LRCH2: variants seen among roughly 807,000 people sequenced by gnomAD.
LRCH2 encodes leucine-rich repeat and calponin homology domain-containing protein 2.
Under a neutral mutation model 68.9 loss-of-function variants are expected in LRCH2, and 38 were observed. That is an observed-to-expected ratio of 0.55 (90% CI 0.43 to 0.72). The LOEUF is 0.72. LRCH2 is among the 30% of genes least tolerant of loss of function. The pLI is 0.00. For synonymous variants in LRCH2, 191 were observed against 208.1 expected (o/e 0.92, Z 0.71); for missense variants, 528 against 572.9 (o/e 0.92, Z 0.80).
intron 1 of LRCH2, among the ~76,000 whole-genome samples, chrX:115,221,971 C>T (rs1336668122): frequency 1.8e-5 from 2 of 109,144 alleles, no homozygotes; most frequent in Middle Eastern, 4.3e-3. Context: ...CCTGAGGCAT[C>T]GAACAGCATG....
At chrX:115,195,487 G>A (rs1291025922) in intron 1 of LRCH2, among the ~76,000 whole-genome samples, 1 of 108,690 alleles carries the variant, frequency 9.2e-6, no homozygotes, top group Non-Finnish European at 1.9e-5. Context: ...AACCAAAGAA[G>A]TTCAAAAAGT....
chrX:115,150,179 C>T, intron 12 of LRCH2, 109 bp from the exon 13 acceptor site: 2 of 615,086 alleles, frequency 3.3e-6, no homozygotes, highest in East Asian at 7.6e-5. Context: ...AAGAATTTAC[C>T]CATGTCTACA....
At chrX:115,141,613 G>C (rs1427493088) in intron 14 of LRCH2, among the ~76,000 whole-genome samples, 5 of 110,403 alleles carry the variant, frequency 4.5e-5, no homozygotes, top group African/African-American at 1.7e-4. Flanking sequence ...CTTTAGCTTA[G>C]CAATGTTGGG....
intron 1 of LRCH2, among the ~76,000 whole-genome samples, chrX:115,188,746 G>A (rs1452129012): frequency 2.7e-5 from 3 of 111,110 alleles, no homozygotes; most frequent in Non-Finnish European, 3.8e-5. Flanking sequence ...CAGGAGAATC[G>A]CTTGAACCCA....
intron 14 of LRCH2, among the ~76,000 whole-genome samples, chrX:115,144,067 TC>T: frequency 9.0e-6 from 1 of 111,261 alleles, no homozygotes; most frequent in Middle Eastern, 4.7e-3. Flanking sequence ...GGCAGGTTTT[TC>T]CCGTGTTGTT....
intron 17 of LRCH2, 134 bp downstream of exon 17, chrX:115,123,811 C>T (rs1208745221): frequency 3.7e-5 from 13 of 350,448 alleles, no homozygotes; most frequent in Non-Finnish European, 9.8e-6. Flanking sequence ...AGACAAATAT[C>T]GTTAAGAGAA....
intron 14 of LRCH2, among the ~76,000 whole-genome samples, chrX:115,145,945 C>A (rs2072378968): frequency 8.9e-6 from 1 of 111,967 alleles, no homozygotes; most frequent in Non-Finnish European, 1.9e-5. Context: ...GGGTATATAA[C>A]CCAAAGAAAG....
intron 20 of LRCH2, among the ~76,000 whole-genome samples, chrX:115,118,832 G>T (rs1285712579): frequency 1.8e-5 from 2 of 110,287 alleles, no homozygotes; most frequent in Non-Finnish European, 3.8e-5. Context: ...GATCAAGTGG[G>T]CTTCATCCCT....
Position 115,204,683 on chromosome X carries a change from G to A in LRCH2, c.350-16313C>T, listed in dbSNP as rs782479563. On this transcript the variant is annotated intron_variant, in intron 1 of 20. Transcript: ENST00000317135. ...CCATCAGTCTCCTTGCTAAAGCATA[G>A]CAAGAGTGACCTTTACTTCAGTTCC... Among the ~76,000 whole-genome samples, 6 of 111,794 alleles carry A rather than the reference G, an allele frequency of 5.4e-5. No individual in the cohort carries two copies. In the East Asian group the frequency reaches 1.7e-3, roughly 32 times the overall value.
rs73636268 is a variant in LRCH2, at chrX:115,176,156, A to G, written c.864+3271T>C. ...TAAAATAGAAAAAATAGTTTGGTTTATTTTTCTATCTCTTACAGATGTATA... is the reference window on the plus strand; with the variant it reads ...TAAAATAGAAAAAATAGTTTGGTTTGTTTTTCTATCTCTTACAGATGTATA... On this transcript the variant is annotated intron_variant, in intron 5 of 20. Transcript: ENST00000317135. Among the ~76,000 whole-genome samples, 819 of 112,073 alleles carry G rather than the reference A, an allele frequency of 7.3e-3. 9 individuals are homozygous for G. Among genetic ancestry groups the G allele is most frequent in the African/African-American group, 0.025 (768 of 30,834 alleles).
At chrX:115,162,884 A>T (rs1394637659) in intron 11 of LRCH2, among the ~76,000 whole-genome samples, 1 of 111,943 alleles carries the variant, frequency 8.9e-6, no homozygotes, top group South Asian at 3.7e-4. Context: ...AAAGCAAAAA[A>T]AAACCATTCA....
In LRCH2 at chrX:115,175,950, T is replaced by C. The variant is rs151058667; in HGVS notation, c.864+3477A>G. Among the ~76,000 whole-genome samples, 832 of 111,953 alleles carry C rather than the reference T, an allele frequency of 7.4e-3. 8 individuals are homozygous for C. The highest frequency in any genetic ancestry group is 0.025 in the African/African-American group (772 of 30,786). ...ACTTATAGTTGGTCAGTCAGAAGTA[T>C]AGGTGAGCAGTCTGTGGGACTGAGC... is the stretch of plus-strand genomic sequence containing the variant. On this transcript the variant is annotated intron_variant, in intron 5 of 20. Transcript: ENST00000317135.
At chrX:115,149,683 T>C in intron 14 of LRCH2, 144 bp downstream of exon 14, 1 of 404,019 alleles carries the variant, frequency 2.5e-6, no homozygotes, top group Non-Finnish European at 4.3e-6. Flanking sequence ...TTAGATTGTA[T>C]TACCCCATAT....
intron 1 of LRCH2, among the ~76,000 whole-genome samples, chrX:115,229,517 C>T (rs999014669): frequency 8.9e-6 from 1 of 111,959 alleles, no homozygotes; most frequent in Non-Finnish European, 1.9e-5. Flanking sequence ...TTAAAGATAA[C>T]ATTTTATTTT....
intron 14 of LRCH2, among the ~76,000 whole-genome samples, chrX:115,141,864 A>G (rs1180931141): frequency 1.0e-5 from 1 of 99,819 alleles, no homozygotes; most frequent in Non-Finnish European, 2.0e-5. Flanking sequence ...ACAGAGGAAG[A>G]CTCCACCAAA....
Position 115,188,295 on chromosome X carries a change from T to C in LRCH2, c.425A>G (p.Tyr142Cys), listed in dbSNP as rs1556555321. ...AGGAATGGTTTTGATGCAATTATGA[T>C]ATAAATTTAATGTTTCAAGGGGTGC... ...LFAPLETLNL[Y>C]HNCIKTIPEA... Residue 142 changes from tyrosine (Y) to cysteine (C), a missense_variant, in exon 2 of 21, where the codon TAT becomes TGT. By Grantham distance (194) the Tyr-to-Cys change is radical (BLOSUM62 -2). Coordinates refer to ENST00000317135, the MANE Select transcript of LRCH2 (RefSeq NM_020871.4). 2.5e-6 allele frequency: 3 copies of C among 1,188,838 alleles called. No individual in the cohort carries two copies. The highest frequency in any genetic ancestry group is 1.1e-6 in the Non-Finnish European group (1 of 882,581).
Position 115,191,049 on chromosome X carries a change from T to C in LRCH2, c.350-2679A>G, listed in dbSNP as rs1382028498. On this transcript the variant is annotated intron_variant, in intron 1 of 20. Transcript: ENST00000317135. Reference sequence around the variant, plus strand: ...ACACCCACAGTGGGGGCCACAGCAGTTCCAGCAACAGTTACGGCCAGAGCC... The same window carrying C: ...ACACCCACAGTGGGGGCCACAGCAGCTCCAGCAACAGTTACGGCCAGAGCC... The C allele has an allele frequency of 6.0e-6, 7 of 1,160,013 alleles. No homozygotes were observed. The East Asian group carries it at 2.3e-4, about 38-fold the overall frequency.
At position 115,192,526 on chromosome X, in the gene LRCH2, A is replaced by G. The variant is rs782546914; in HGVS notation, c.350-4156T>C. On this transcript the variant is annotated intron_variant, in intron 1 of 20. Transcript: ENST00000317135. The stretch of plus-strand genomic sequence containing the variant: ...ACCGGATCGTGGGCTCCCTCTGCCC[A>G]TGGAAACGGGCAGCCCTCCCCTGCA... 4 of 1,169,269 alleles carry G rather than the reference A, an allele frequency of 3.4e-6. No homozygotes were observed. In the South Asian group the frequency reaches 7.6e-5, roughly 22 times the overall value.
At chrX:115,140,794 T>C (rs782074245) in intron 14 of LRCH2, among the ~76,000 whole-genome samples, 5 of 111,335 alleles carry the variant, frequency 4.5e-5, no homozygotes, top group African/African-American at 1.3e-4. Context: ...GGACTTTGTA[T>C]TGTGGTGTGA....
Sources: allele counts gnomAD v4.1 joint callset (sites outside exome capture counted in the v4.1 genomes callset), GRCh38; gene constraint gnomAD v4.1.1; transcripts MANE v1.5; gene names NCBI Gene and HGNC (gene_info 2026-07-23, HGNC 2026-07-21).